Variants in CC2D1B observed in about 807,000 individuals in gnomAD.
The protein encoded by CC2D1B is coiled-coil and C2 domain containing 1B, also known as coiled-coil and C2 domain-containing protein 1B.
In CC2D1B, 92 loss-of-function variants were observed where a neutral mutation model predicts 110.8. The ratio of observed to expected loss-of-function variants is 0.83; its 90% CI spans 0.70 to 0.99. CC2D1B has a LOEUF of 0.99. CC2D1B is among the 50% of genes least tolerant of loss of function. CC2D1B has a pLI of 0.00. For missense variants in CC2D1B, 1,136 were observed against 1,089.0 expected (o/e 1.04, Z -0.61); for synonymous variants, 406 against 429.2 (o/e 0.95, Z 0.67).
At chr1:52,361,762 AC>A in intron 3 of CC2D1B, 146 bp from the exon 4 acceptor site, 1 of 1,001,634 alleles carries the variant, frequency 1.0e-6, no homozygotes, top group Non-Finnish European at 1.5e-6. Context: ...TTCCTTTAAG[AC>A]CCAGTTCAAA....
intron 12 of CC2D1B, 77 bp from the exon 13 acceptor site, chr1:52,358,538 G>A: frequency 1.2e-6 from 2 of 1,605,408 alleles, no homozygotes; most frequent in Non-Finnish European, 1.7e-6. Flanking sequence ...CCCTGTCTGG[G>A]GCATGGCTCT....
intron 5 of CC2D1B, 74 bp downstream of exon 5, chr1:52,360,900 G>C: frequency 2.6e-6 from 4 of 1,556,852 alleles, no homozygotes; most frequent in Non-Finnish European, 3.5e-6. Flanking sequence ...TTGCTGTGCA[G>C]GCCAGGCCAC....
intron 23 of CC2D1B, chr1:52,354,341 G>A (rs1228608314): frequency 1.5e-6 from 1 of 652,606 alleles, no homozygotes; most frequent in Admixed American, 2.1e-5. Flanking sequence ...TCATTTGTCA[G>A]AGGCAAGGTC....
At position 52,359,703 on chromosome 1, in the gene CC2D1B, A is replaced by G; in HGVS notation, c.942+2T>C. 2 of 1,595,894 alleles carry G rather than the reference A, an allele frequency of 1.3e-6. No homozygotes were observed. Among genetic ancestry groups the G allele is most frequent in the East Asian group, 4.6e-5 (2 of 43,794 alleles). ...GTGGGTGCCCTGAGCCAGATGCCAT[A>G]CCTTCCCAATCCTCATGAGCTCTCG... On this transcript the variant is annotated splice_donor_variant, in intron 8 of 24. Coordinates refer to ENST00000284376, the MANE Select transcript of CC2D1B (RefSeq NM_001330585.2). LOFTEE classifies it high-confidence loss of function.
chr1:52,353,561 C>G lies in CC2D1B; in HGVS notation c.2517G>C (p.Met839Ile). ...REPLSGQDVQ[M>I]VTENWLVLEP... is the part of the protein sequence containing the mutation. ...CCAGAACCAGCCAGTTCTCAGTGAC[C>G]ATCTGCACATCCTGGCCACTCAGAG... The change falls in exon 24 of 25, where the codon ATG (methionine) becomes ATC (isoleucine). Residue 839 changes from methionine to isoleucine, a missense_variant. Physicochemically the swap from Met to Ile is conservative, Grantham distance 10. Transcript: ENST00000284376. 1 of 1,614,086 alleles carries G rather than the reference C, an allele frequency of 6.2e-7. No individual in the cohort carries two copies. The highest frequency in any genetic ancestry group is 8.5e-7 in the Non-Finnish European group (1 of 1,179,992).
At chr1:52,364,399 T>C (rs747274254) in intron 2 of CC2D1B, among the ~76,000 whole-genome samples, 153 bp downstream of exon 2, 6 of 152,178 alleles carry the variant, frequency 3.9e-5, no homozygotes, top group African/African-American at 9.7e-5. Context: ...AAGAGACTAG[T>C]AGGAGGGTGT....
At chr1:52,363,229 C>A (rs1646818977) in intron 2 of CC2D1B, among the ~76,000 whole-genome samples, 2 of 151,850 alleles carry the variant, frequency 1.3e-5, no homozygotes, top group African/African-American at 4.8e-5. Context: ...CCCGTCTCTA[C>A]TAAAAAATGC....
chr1:52,361,540 T>TTCCTCCTCC lies in CC2D1B; in HGVS notation c.282_290dup (p.Glu95_Glu97dup), dbSNP rs374206070. The TTCCTCCTCC allele has an allele frequency of 2.5e-6, 4 of 1,608,826 alleles. No individual in the cohort carries two copies. Among genetic ancestry groups the TTCCTCCTCC allele is most frequent in the Non-Finnish European group, 3.4e-6 (4 of 1,177,028 alleles). On this transcript the variant is annotated inframe_insertion, in exon 4 of 25. Coordinates refer to ENST00000284376, the MANE Select transcript of CC2D1B (RefSeq NM_001330585.2). ...GCAGCTCTGCATCTTCCTCCAGCCC[T>TTCCTCCTCC]TCCTCCTCCTCCTCCTCCTCCACAT...
intron 24 of CC2D1B, 101 bp from the exon 25 acceptor site, chr1:52,353,324 T>TA (rs1646566741): frequency 6.8e-7 from 1 of 1,477,462 alleles, no homozygotes; most frequent in Non-Finnish European, 9.0e-7. Flanking sequence ...GATAGATAGT[T>TA]AAACCTTGGA....
intron 20 of CC2D1B, 57 bp from the exon 21 acceptor site, chr1:52,355,506 C>T: frequency 6.2e-7 from 1 of 1,607,804 alleles, no homozygotes; most frequent in Non-Finnish European, 8.5e-7. Flanking sequence ...GCACACAGGG[C>T]AGGCACTGCA....
Position 52,356,679 on chromosome 1 carries a change from C to T in CC2D1B, c.1879-237G>A, listed in dbSNP as rs1044273131. On this transcript the variant is annotated intron_variant, in intron 16 of 24. Transcript: ENST00000284376. ...AATTAGCAACTCCTTCCATCAAAAC[C>T]TAACTCAAACATCCCCTCAGAAGGC... 13 of 607,770 alleles carry T rather than the reference C, an allele frequency of 2.1e-5. No homozygotes were observed. The African/African-American group carries it at 2.4e-4, about 11-fold the overall frequency. 37.6% of individuals were successfully genotyped at this position (607,770 alleles called of 1,614,324 possible). A position where few individuals can be genotyped will look rare whatever the true frequency, so the allele number is the denominator to read the frequency against.
intron 2 of CC2D1B, among the ~76,000 whole-genome samples, chr1:52,364,325 T>C (rs1557557826): frequency 6.6e-6 from 1 of 152,166 alleles, no homozygotes; most frequent in Non-Finnish European, 1.5e-5. Flanking sequence ...TTGAGAGCAC[T>C]GAGGTCCCAT....
In CC2D1B at chr1:52,360,559, A is replaced by G. The variant is rs753683716; in HGVS notation, c.478-10T>C. On this transcript the variant is annotated splice_polypyrimidine_tract_variant and intron_variant, in intron 5 of 24. Transcript: ENST00000284376. ...CCTGAGATGCTCCGGCCTATGAACA[A>G]TTCAGCTAAGGGCCTGGCCACTCCA... 4.0e-5 allele frequency: 65 copies of G among 1,612,928 alleles called. No homozygotes were observed. The highest frequency in any genetic ancestry group is 5.2e-5 in the Non-Finnish European group (61 of 1,179,630).
At position 52,358,415 on chromosome 1, in the gene CC2D1B, C is replaced by G. The variant is rs761224427; in HGVS notation, c.1377G>C (p.Glu459Asp). 4.3e-6 allele frequency: 7 copies of G among 1,613,988 alleles called. No individual in the cohort carries two copies. The highest frequency in any genetic ancestry group is 1.7e-5 in the Admixed American group (1 of 60,004). The stretch of plus-strand genomic sequence containing the variant: ...CTGCCAATGTCGCTGCCACTGCGTC[C>G]TCCTCAACACCCATAGTGGACTCCA... The part of the protein sequence containing the change: ...PGLESTMGVE[E>D]DAVAATLAAA... Residue 459 changes from glutamate (E) to aspartate (D), a missense_variant, in exon 13 of 25, where the codon GAG becomes GAC. Coordinates refer to ENST00000284376, the MANE Select transcript of CC2D1B (RefSeq NM_001330585.2).
chr1:52,360,510 G>A lies in CC2D1B; in HGVS notation c.517C>T (p.Arg173Trp), dbSNP rs753540280. Residue 173 changes from arginine to tryptophan, a missense_variant, in exon 6 of 25, where the codon CGG becomes TGG. By Grantham distance (101) the Arg-to-Trp change is moderately radical. Coordinates refer to ENST00000284376, the MANE Select transcript of CC2D1B (RefSeq NM_001330585.2). ...SQGLHALLEE[R>W]IHNYREAAAS... ...GCAGCCTCTCGGTAGTTGTGAATCC[G>A]TTCCTCCAGCAAAGCGTGTAGCCCC... 2.0e-5 allele frequency: 32 copies of A among 1,614,104 alleles called. No individual in the cohort carries two copies. Among genetic ancestry groups the A allele is most frequent in the South Asian group, 3.3e-5 (3 of 91,078 alleles).
intron 16 of CC2D1B, chr1:52,356,732 G>GATAGATAA: frequency 1.7e-6 from 1 of 599,294 alleles, no homozygotes; most frequent in Non-Finnish European, 2.9e-6. Flanking sequence ...TGGCAGTTCA[G>GATAGATAA]ATAGATAAAT....
intron 1 of CC2D1B, among the ~76,000 whole-genome samples, chr1:52,365,370 G>T (rs6666643): frequency 0.034 from 5,155 of 152,376 alleles, 216 homozygotes; most frequent in African/African-American, 0.1. Context: ...GGGAGAAAAG[G>T]CTCCTCCTTC....
rs369668148 is a variant in CC2D1B, at chr1:52,361,516, C to A, written c.315G>T (p.Leu105=). ...GATACCAGCCTGGCAGACACACCAGCAGCTCTGCATCTTCCTCCAGCCCTT... is the reference window on the plus strand; with the variant it reads ...GATACCAGCCTGGCAGACACACCAGAAGCTCTGCATCTTCCTCCAGCCCTT... ...EEEGLEEDAE[L]LTELQEVLGV... Residue 105 remains leucine (L), a synonymous_variant, in exon 4 of 25, where the codon CTG becomes CTT. Coordinates refer to ENST00000284376, the MANE Select transcript of CC2D1B (RefSeq NM_001330585.2). 6.2e-7 allele frequency: 1 copy of A among 1,613,840 alleles called. No individual in the cohort carries two copies. Among genetic ancestry groups the A allele is most frequent in the Non-Finnish European group, 8.5e-7 (1 of 1,179,982 alleles).
rs1299240968 is a variant in CC2D1B at position 52,351,733 on chromosome 1, A to C, written c.*1492T>G. The C allele has an allele frequency of 1.3e-5, 2 of 152,008 alleles. No individual in the cohort carries two copies. The highest frequency in any genetic ancestry group is 2.9e-5 in the Non-Finnish European group (2 of 68,012). The allele number at this position is 152,008 out of a possible 1,614,324, so 9.4% of individuals were successfully genotyped here. Reference sequence around the variant, plus strand: ...ACACCGTCTCTACTAAAAATAAAAAAATTAGCTGGGCATAGTGGTGGGTGC... The same window carrying C: ...ACACCGTCTCTACTAAAAATAAAAACATTAGCTGGGCATAGTGGTGGGTGC... On this transcript the variant is annotated 3_prime_UTR_variant, in exon 25 of 25. Coordinates refer to ENST00000284376, the MANE Select transcript of CC2D1B (RefSeq NM_001330585.2).
Sources: gnomAD v4.1 joint callset for allele counts (sites outside exome capture counted in the v4.1 genomes callset) on GRCh38, gnomAD v4.1.1 for gene constraint, MANE v1.5 for transcripts, NCBI Gene and HGNC (gene_info 2026-07-23, HGNC 2026-07-21) for gene names.